The following MSH3 variants were observed in gnomAD, a reference collection of about 807,000 sequenced individuals.
The protein encoded by MSH3 is DNA mismatch repair protein Msh3.
In MSH3, 106 loss-of-function variants were observed where a neutral mutation model predicts 123.3. The observed-to-expected ratio is 0.86, with a 90% CI of 0.73 to 1.01. The LOEUF is 1.01. Among genes scored for constraint, MSH3 ranks in the 50% least tolerant of loss-of-function variants. The pLI, the probability that MSH3 is intolerant of heterozygous loss-of-function variation, is 0.00. For missense variants in MSH3, 1,459 were observed against 1,347.6 expected (o/e 1.08, Z -1.29); for synonymous variants, 515 against 481.4 (o/e 1.07, Z -0.91).
chr5:80,770,386 T>G (rs998930281), intron 15 of MSH3, among the ~76,000 whole-genome samples: 3 of 152,188 alleles, frequency 2.0e-5, no homozygotes, highest in Middle Eastern at 3.4e-3. Flanking sequence ...GGAGACCAAT[T>G]AAGTTAAAAT....
At chr5:80,860,662 C>T (rs1048674199) in intron 21 of MSH3, among the ~76,000 whole-genome samples, 4 of 151,734 alleles carry the variant, frequency 2.6e-5, no homozygotes, top group South Asian at 2.1e-4. Flanking sequence ...ACATTTATCC[C>T]GTTTGGTGTT....
chr5:80,866,192 G>A (rs1746095293), intron 22 of MSH3, among the ~76,000 whole-genome samples: 1 of 152,194 alleles, frequency 6.6e-6, no homozygotes, highest in Admixed American at 6.5e-5. Context: ...AGGCTGGAGT[G>A]CAGTGGCACG....
At chr5:80,657,609 A>G (rs182577383) in intron 2 of MSH3, among the ~76,000 whole-genome samples, 33 of 152,188 alleles carry the variant, frequency 2.2e-4, no homozygotes, top group Admixed American at 1.7e-3. Context: ...CAGGAAATCC[A>G]TCTTTATTCA....
chr5:80,654,704 C>T lies in MSH3; in HGVS notation c.-24C>T, dbSNP rs1580537503. On this transcript the variant is annotated 5_prime_UTR_variant, in exon 1 of 24. Coordinates refer to ENST00000265081, the MANE Select transcript of MSH3 (RefSeq NM_002439.5). Reference sequence around the variant, plus strand: ...TCGCGCTCCTCGCCAGGCCCTGCCGCCGGGCTGCCATCCTTGCCCTGCCAT... The same window carrying T: ...TCGCGCTCCTCGCCAGGCCCTGCCGTCGGGCTGCCATCCTTGCCCTGCCAT... The T allele has an allele frequency of 1.9e-6, 3 of 1,580,962 alleles. No individual in the cohort carries two copies. The highest frequency in any genetic ancestry group is 2.8e-5 in the African/African-American group (2 of 71,366).
chr5:80,724,076 C>T (rs1457474731), intron 8 of MSH3, among the ~76,000 whole-genome samples: 1 of 152,050 alleles, frequency 6.6e-6, no homozygotes, highest in Non-Finnish European at 1.5e-5. Context: ...TTCTGGAAAT[C>T]GTAGAGGGAT....
chr5:80,754,960 C>G (rs959966428), intron 12 of MSH3, among the ~76,000 whole-genome samples: 17 of 152,174 alleles, frequency 1.1e-4, no homozygotes, highest in African/African-American at 4.1e-4. Context: ...CTAAAATGAA[C>G]TACACCGGGA....
chr5:80,785,603 C>G (rs1174318105), intron 17 of MSH3, among the ~76,000 whole-genome samples: 1 of 152,204 alleles, frequency 6.6e-6, no homozygotes, highest in African/African-American at 2.4e-5. Context: ...CATCCCATTA[C>G]TGGGTATATA....
chr5:80,717,055 C>G (rs1425643766), intron 8 of MSH3, among the ~76,000 whole-genome samples: 1 of 152,086 alleles, frequency 6.6e-6, no homozygotes, highest in Non-Finnish European at 1.5e-5. Flanking sequence ...TTGGGGGGGG[C>G]TGAATAGTAT....
chr5:80,785,919 C>G (rs1365043509), intron 17 of MSH3, among the ~76,000 whole-genome samples: 1 of 149,556 alleles, frequency 6.7e-6, no homozygotes, highest in African/African-American at 2.5e-5. Context: ...CATGTTCTTA[C>G]TCACAGGTGG....
intron 8 of MSH3, among the ~76,000 whole-genome samples, chr5:80,711,725 G>A (rs527844254): frequency 1.7e-4 from 26 of 152,010 alleles, no homozygotes; most frequent in African/African-American, 6.0e-4. Flanking sequence ...TGTCATCTCG[G>A]CTCACTGCAA....
intron 8 of MSH3, among the ~76,000 whole-genome samples, chr5:80,686,115 C>T (rs35548549): frequency 0.63 from 96,329 of 151,986 alleles, 30,639 homozygotes; most frequent in African/African-American, 0.7. Context: ...CTATAATGAT[C>T]AGATCCTCTA....
rs184952944 is a variant in MSH3, at chr5:80,695,067, G to T, written c.1340+15974G>T. On this transcript the variant is annotated intron_variant, in intron 8 of 23. Transcript: ENST00000265081. ...TATTTCTTCAAGGTTTTTGTTGTTG[G>T]TGGTGGTGTTTTTTTTGTTGTTTTT... Among the ~76,000 whole-genome samples the T allele has an allele frequency of 6.0e-4, 86 of 143,352 alleles. 1 individual carries two copies. Among genetic ancestry groups the T allele is most frequent in the Middle Eastern group, 3.5e-3 (1 of 282 alleles). The allele number at this position is 143,352 out of a possible 152,430, so 94.0% of individuals were successfully genotyped here.
In MSH3 at chr5:80,761,668, A is replaced by G; in HGVS notation, c.1886A>G (p.Tyr629Cys). 1 of 1,614,186 alleles carries G rather than the reference A, an allele frequency of 6.2e-7. No homozygotes were observed. Among genetic ancestry groups the G allele is most frequent in the South Asian group, 1.1e-5 (1 of 91,080 alleles). The change falls in exon 13 of 24, where the codon TAT becomes TGT. Residue 629 changes from tyrosine to cysteine, a missense_variant. Physicochemically the swap from Tyr to Cys is radical, Grantham distance 194 (BLOSUM62 -2). Coordinates refer to ENST00000265081, the MANE Select transcript of MSH3 (RefSeq NM_002439.5). ...PDIERGLCSI[Y>C]HKKCSTQEFF... ...ATAGAGAGGGGACTCTGTAGCATTTATCACAAAAAAGTAAGTGTGATAGAA... is the reference window on the plus strand; with the variant it reads ...ATAGAGAGGGGACTCTGTAGCATTTGTCACAAAAAAGTAAGTGTGATAGAA...
intron 22 of MSH3, among the ~76,000 whole-genome samples, chr5:80,871,943 C>T (rs1427819194): frequency 2.0e-5 from 3 of 152,224 alleles, no homozygotes; most frequent in East Asian, 3.9e-4. Flanking sequence ...GGTGAAGCCC[C>T]TCCCTTCAGC....
At chr5:80,778,980 CTTT>C (rs1366541253) in intron 17 of MSH3, 144 bp downstream of exon 17, 217 of 393,580 alleles carry the variant, frequency 5.5e-4, no homozygotes, top group Middle Eastern at 7.2e-4. Context: ...GATTTTATTT[CTTT>C]TTTTTTTTTT....
At chr5:80,730,878 A>T (rs1743396771) in intron 10 of MSH3, among the ~76,000 whole-genome samples, 1 of 96,072 alleles carries the variant, frequency 1.0e-5, no homozygotes, top group African/African-American at 4.2e-5. Context: ...TGTCCTCCTC[A>T]TATATATATA....
chr5:80,812,570 T>C (rs1745027030), intron 19 of MSH3, among the ~76,000 whole-genome samples: 1 of 148,134 alleles, frequency 6.8e-6, no homozygotes, highest in Admixed American at 7.0e-5. Flanking sequence ...GCTAGGCCCA[T>C]TGGCTGGTTC....
intron 2 of MSH3, among the ~76,000 whole-genome samples, chr5:80,662,297 T>G (rs1026891225): frequency 1.3e-5 from 2 of 152,166 alleles, no homozygotes; most frequent in African/African-American, 4.8e-5. Context: ...AAGTACACTC[T>G]CTGATGTGCA....
chr5:80,748,415 T>G (rs1438296911), intron 12 of MSH3, among the ~76,000 whole-genome samples: 2 of 152,170 alleles, frequency 1.3e-5, no homozygotes, highest in African/African-American at 4.8e-5. Flanking sequence ...AAGAGTTCAC[T>G]TAGATTATTG....
Sources: gnomAD v4.1 joint callset for allele counts (sites outside exome capture counted in the v4.1 genomes callset) on GRCh38, gnomAD v4.1.1 for gene constraint, MANE v1.5 for transcripts, NCBI Gene and HGNC (gene_info 2026-07-23, HGNC 2026-07-21) for gene names.